The following RALGAPB variants were observed in gnomAD, a reference collection of about 807,000 sequenced individuals.
The protein encoded by RALGAPB is ral GTPase-activating protein subunit beta.
A neutral mutation model predicts 161.1 loss-of-function variants in RALGAPB; 25 were observed. The observed-to-expected ratio is 0.16, with a 90% CI of 0.11 to 0.22. The LOEUF (loss-of-function observed/expected upper bound fraction) is 0.22. RALGAPB is among the 10% of genes least tolerant of loss of function. RALGAPB has a pLI of 1.00. For missense variants in RALGAPB, 1,391 were observed against 1,815.2 expected (o/e 0.77, Z 4.25); for synonymous variants, 629 against 626.1 (o/e 1.00, Z -0.07).
chr20:38,546,135 G>A, intron 18 of RALGAPB, 108 bp from the exon 19 acceptor site: 2 of 1,556,906 alleles, frequency 1.3e-6, no homozygotes, highest in South Asian at 2.4e-5. Flanking sequence ...AAGAAGCATG[G>A]CTGTGGTCAA....
intron 5 of RALGAPB, among the ~76,000 whole-genome samples, chr20:38,500,385 T>C (rs772363351): frequency 2.0e-5 from 3 of 152,208 alleles, no homozygotes; most frequent in Admixed American, 6.5e-5. Flanking sequence ...TTTACTGTTA[T>C]GGTGACCTGT....
chr20:38,494,701 T>A (rs1424330783), intron 3 of RALGAPB, among the ~76,000 whole-genome samples: 1 of 152,216 alleles, frequency 6.6e-6, no homozygotes, highest in African/African-American at 2.4e-5. Context: ...ATAAGCAGGT[T>A]CTTCTAAAAT....
At chr20:38,478,429 C>T (rs2084868055) in intron 1 of RALGAPB, among the ~76,000 whole-genome samples, 1 of 150,832 alleles carries the variant, frequency 6.6e-6, no homozygotes, top group South Asian at 2.1e-4. Context: ...AGTAGTTTTT[C>T]TTTTTTTTTG....
intron 1 of RALGAPB, among the ~76,000 whole-genome samples, chr20:38,481,531 T>G (rs1307432659): frequency 6.6e-6 from 1 of 152,208 alleles, no homozygotes; most frequent in African/African-American, 2.4e-5. Context: ...TGAGATTCAT[T>G]CGCTGTCATG....
intron 13 of RALGAPB, among the ~76,000 whole-genome samples, chr20:38,530,188 A>G (rs762029434): frequency 2.6e-5 from 4 of 152,314 alleles, no homozygotes; most frequent in Admixed American, 6.5e-5. Context: ...TCACATGGAG[A>G]TGGTTAGCAT....
At chr20:38,509,792 A>C (rs1159805015) in intron 6 of RALGAPB, among the ~76,000 whole-genome samples, 2 of 151,882 alleles carry the variant, frequency 1.3e-5, no homozygotes, top group Non-Finnish European at 2.9e-5. Flanking sequence ...CTGATTCTTA[A>C]ATTTTTTCCT....
chr20:38,571,058 G>A (rs183715320), intron 28 of RALGAPB, among the ~76,000 whole-genome samples: 14 of 152,248 alleles, frequency 9.2e-5, no homozygotes, highest in Admixed American at 8.5e-4. Flanking sequence ...AAGTATAACT[G>A]ATTGACTTGT....
In RALGAPB at chr20:38,534,961, G is replaced by A. The variant is rs2086759407; in HGVS notation, c.2246-113G>A. On this transcript the variant is annotated intron_variant, in intron 15 of 29. Coordinates refer to ENST00000262879, the MANE Select transcript of RALGAPB (RefSeq NM_020336.4). ...GGAGCGTAGCACTGTGTGGGTGCCCGTCGTTCTCACTGTGGCTGCTGTGGT... is the reference window on the plus strand; with the variant it reads ...GGAGCGTAGCACTGTGTGGGTGCCCATCGTTCTCACTGTGGCTGCTGTGGT... 1.9e-5 allele frequency: 25 copies of A among 1,315,312 alleles called. No individual in the cohort carries two copies. The East Asian group carries it at 3.0e-4, about 16-fold the overall frequency. 81.5% of individuals were successfully genotyped at this position (1,315,312 alleles called of 1,614,324 possible).
intron 1 of RALGAPB, among the ~76,000 whole-genome samples, chr20:38,482,011 C>A (rs1167330722): frequency 6.6e-6 from 1 of 152,138 alleles, no homozygotes; most frequent in Non-Finnish European, 1.5e-5. Flanking sequence ...CCTGTGCAAT[C>A]AAAAATTTTC....
intron 5 of RALGAPB, among the ~76,000 whole-genome samples, chr20:38,508,103 G>T (rs1032712602): frequency 6.6e-6 from 1 of 150,868 alleles, no homozygotes; most frequent in Non-Finnish European, 1.5e-5. Context: ...TTTACATATT[G>T]TATGATTATA....
intron 9 of RALGAPB, 103 bp from the exon 10 acceptor site, chr20:38,521,394 A>G (rs759814168): frequency 1.1e-5 from 16 of 1,519,374 alleles, no homozygotes; most frequent in Non-Finnish European, 1.4e-5. Flanking sequence ...ATTGGATTCA[A>G]GTAGCTATTT....
chr20:38,532,607 C>A, intron 14 of RALGAPB, 123 bp from the exon 15 acceptor site: 1 of 1,152,868 alleles, frequency 8.7e-7, no homozygotes, highest in South Asian at 1.5e-5. Context: ...ATTTCTGTTA[C>A]TATCAGTTTG....
intron 20 of RALGAPB, 49 bp from the exon 21 acceptor site, chr20:38,551,022 A>G (rs2087356095): frequency 1.3e-6 from 2 of 1,578,392 alleles, no homozygotes; most frequent in South Asian, 1.1e-5. Context: ...GTCATTACAG[A>G]TGGGTATTGG....
At chr20:38,547,100 C>G (rs1441259466) in intron 19 of RALGAPB, 1 of 152,280 alleles carries the variant, frequency 6.6e-6, no homozygotes, top group African/African-American at 2.4e-5. Context: ...ATGACCATGC[C>G]AGTGCCCTAC....
At chr20:38,569,838 T>C (rs1393546513) in intron 26 of RALGAPB, 50 bp from the exon 27 acceptor site, 1 of 1,454,272 alleles carries the variant, frequency 6.9e-7, no homozygotes, top group South Asian at 1.2e-5. Flanking sequence ...TAAGCCAGTT[T>C]TTTGTTGCTG....
intron 20 of RALGAPB, 55 bp downstream of exon 20, chr20:38,548,850 G>T: frequency 7.1e-7 from 1 of 1,414,902 alleles, no homozygotes. Flanking sequence ...TTAAAGGTTA[G>T]GTAACATTCC....
At chr20:38,520,129 T>C (rs184896779) in intron 9 of RALGAPB, 2 of 268,874 alleles carry the variant, frequency 7.4e-6, no homozygotes, top group African/African-American at 4.6e-5. Flanking sequence ...AATTTAACTT[T>C]TAAAAAGCTA....
At position 38,534,995 on chromosome 20, in the gene RALGAPB, A is replaced by G. The variant is rs944473383; in HGVS notation, c.2246-79A>G. On this transcript the variant is annotated intron_variant, in intron 15 of 29. Transcript: ENST00000262879. ...ACTGTGGCTGCTGTGGTCTGTGCCT[A>G]GTGGATGCTGTGCTTCTCGTTACTA... is the stretch of plus-strand genomic sequence containing the variant. The G allele has an allele frequency of 1.1e-5, 16 of 1,500,726 alleles. No individual in the cohort carries two copies. In the African/African-American group the frequency reaches 2.1e-4, roughly 19 times the overall value. 93.0% of individuals were successfully genotyped at this position (1,500,726 alleles called of 1,614,324 possible). A position where few individuals can be genotyped will look rare whatever the true frequency, so the allele number is the denominator to read the frequency against.
chr20:38,503,327 G>A (rs1441662560), intron 5 of RALGAPB, among the ~76,000 whole-genome samples: 1 of 152,158 alleles, frequency 6.6e-6, no homozygotes, highest in Non-Finnish European at 1.5e-5. Context: ...AGTCCCTATT[G>A]TTCAGGGGTC....
Sources: gnomAD v4.1 joint callset for allele counts (sites outside exome capture counted in the v4.1 genomes callset) on GRCh38, gnomAD v4.1.1 for gene constraint, MANE v1.5 for transcripts, NCBI Gene and HGNC (gene_info 2026-07-23, HGNC 2026-07-21) for gene names.